Variants in CTDP1 observed in about 807,000 individuals in gnomAD.
CTDP1 encodes the protein RNA polymerase II subunit A C-terminal domain phosphatase.
A neutral mutation model predicts 91.8 loss-of-function variants in CTDP1; 47 were observed. That is an observed-to-expected ratio of 0.51 (90% CI 0.41 to 0.65). CTDP1 has a LOEUF of 0.65. CTDP1 is among the 30% of genes least tolerant of loss of function. CTDP1 has a pLI of 0.00. For missense variants in CTDP1, 1,272 were observed against 1,373.7 expected, an observed-to-expected ratio of 0.93 and a Z score of 1.17; for synonymous variants, 656 against 598.5, an observed-to-expected ratio of 1.10 and a Z score of -1.40.
chr18:79,691,549 G>A (rs1407011430), intron 1 of CTDP1, among the ~76,000 whole-genome samples: 25 of 65,374 alleles, frequency 3.8e-4, no homozygotes, highest in South Asian at 7.7e-4. Flanking sequence ...GGGTGGGGGA[G>A]GAGTGGACGG....
intron 11 of CTDP1, chr18:79,736,108 G>A (rs774176573): frequency 3.4e-6 from 2 of 581,104 alleles, no homozygotes; most frequent in Admixed American, 3.0e-5. Flanking sequence ...GGGACAGAAG[G>A]AATTTAAACC....
chr18:79,697,790 G>C, intron 3 of CTDP1, 70 bp from the exon 4 acceptor site: 1 of 1,601,566 alleles, frequency 6.2e-7, no homozygotes, highest in Non-Finnish European at 8.5e-7. Context: ...TGTGTTTCTC[G>C]ATGAAATGGA....
chr18:79,683,918 C>T lies in CTDP1; in HGVS notation c.314+3657C>T, dbSNP rs908098079. On this transcript the variant is annotated intron_variant, in intron 1 of 12. Transcript: ENST00000613122. The stretch of plus-strand genomic sequence containing the variant: ...TTCTGGCCCAGGACGGTTTTGGGAC[C>T]GGGGGGTGCCTACCCACTGTTGTTC... Among the ~76,000 whole-genome samples, 10 of 152,192 alleles carry T rather than the reference C, an allele frequency of 6.6e-5. No individual in the cohort carries two copies. The East Asian group carries it at 1.3e-3, about 20-fold the overall frequency.
chr18:79,730,757 GCCCCGGCGCCAAGGA>G (rs2086549737), intron 11 of CTDP1, among the ~76,000 whole-genome samples: 1 of 152,214 alleles, frequency 6.6e-6, no homozygotes, highest in Non-Finnish European at 1.5e-5. Flanking sequence ...GGTCAGAGGA[GCCCCGGCGCCAAGGA>G]CCCGAGGCCT....
At chr18:79,721,685 C>G (rs2086347922) in intron 10 of CTDP1, among the ~76,000 whole-genome samples, 1 of 152,088 alleles carries the variant, frequency 6.6e-6, no homozygotes, top group Admixed American at 6.5e-5. Flanking sequence ...CTCAGGAGTT[C>G]AAGGCTGCAG....
chr18:79,687,669 C>A (rs1286457499), intron 1 of CTDP1, among the ~76,000 whole-genome samples: 3 of 151,838 alleles, frequency 2.0e-5, no homozygotes, highest in Non-Finnish European at 2.9e-5. Context: ...CACTGGTGGG[C>A]CTGCACCGCA....
intron 11 of CTDP1, among the ~76,000 whole-genome samples, chr18:79,732,454 A>T (rs1342987048): frequency 2.2e-5 from 2 of 89,472 alleles, no homozygotes; most frequent in African/African-American, 7.8e-5. Flanking sequence ...AACTCACATC[A>T]GGAGTGCTCC....
rs755749987 is a variant in CTDP1 at position 79,679,922 on chromosome 18, G to A, written c.-26G>A. On this transcript the variant is annotated 5_prime_UTR_variant, in exon 1 of 13. Transcript: ENST00000613122. ...CTGAGCGCAGCGCAGGCCCCGTACC[G>A]ACCGCCCGCCCGCCCTCTGTCCGCG... is the stretch of plus-strand genomic sequence containing the variant. 11 of 1,379,106 alleles carry A rather than the reference G, an allele frequency of 8.0e-6. No homozygotes were observed. The South Asian group carries it at 1.0e-4, about 13-fold the overall frequency. 85.4% of individuals were successfully genotyped at this position (1,379,106 alleles called of 1,614,324 possible).
chr18:79,690,390 C>T (rs1310799031), intron 1 of CTDP1, among the ~76,000 whole-genome samples: 2 of 152,184 alleles, frequency 1.3e-5, no homozygotes, highest in African/African-American at 2.4e-5. Context: ...TTCTTTAGGA[C>T]AAACCAGAAA....
intron 6 of CTDP1, among the ~76,000 whole-genome samples, 199 bp from the exon 7 acceptor site, chr18:79,712,773 C>T (rs1022447680): frequency 2.0e-5 from 3 of 152,144 alleles, no homozygotes; most frequent in African/African-American, 7.2e-5. Flanking sequence ...GAAGGAGAAT[C>T]GGAAACAGCA....
chr18:79,748,435 G>T (rs752309444), intron 12 of CTDP1, among the ~76,000 whole-genome samples: 8 of 152,320 alleles, frequency 5.3e-5, no homozygotes, highest in Admixed American at 3.3e-4. Context: ...GACCCCTCAG[G>T]GTGGAAGCCG....
At chr18:79,718,115 G>T in intron 10 of CTDP1, 99 bp downstream of exon 10, 1 of 1,388,464 alleles carries the variant, frequency 7.2e-7, no homozygotes. Flanking sequence ...CGAAGTGAGG[G>T]CGGGTGGAGG....
intron 10 of CTDP1, among the ~76,000 whole-genome samples, chr18:79,719,714 C>CGT (rs1252413911): frequency 7.1e-6 from 1 of 140,948 alleles, no homozygotes; most frequent in African/African-American, 2.7e-5. Flanking sequence ...ATTAGGAAGG[C>CGT]GTCCTGGTGA....
At chr18:79,745,325 C>CTCCCGTGCGCGTTCTGTCCCTGCGTCCT (rs2086862607) in intron 12 of CTDP1, among the ~76,000 whole-genome samples, 1 of 108,942 alleles carries the variant, frequency 9.2e-6, no homozygotes, top group Non-Finnish European at 1.8e-5. Context: ...CCCTGCGTCC[C>CTCCCGTGCGCGTTCTGTCCCTGCGTCCT]TCCCGTGCGC....
At chr18:79,688,328 A>C (rs2085549826) in intron 1 of CTDP1, among the ~76,000 whole-genome samples, 1 of 152,226 alleles carries the variant, frequency 6.6e-6, no homozygotes, top group African/African-American at 2.4e-5. Context: ...GCAGCGGTGC[A>C]ATCTCAGTTC....
intron 11 of CTDP1, among the ~76,000 whole-genome samples, chr18:79,735,459 C>T (rs1468690832): frequency 1.3e-5 from 2 of 152,254 alleles, no homozygotes; most frequent in Non-Finnish European, 2.9e-5. Context: ...GAGCTGCCCG[C>T]CAACACCACT....
At chr18:79,696,838 C>T (rs1001699826) in intron 3 of CTDP1, among the ~76,000 whole-genome samples, 4 of 152,188 alleles carry the variant, frequency 2.6e-5, no homozygotes, top group Admixed American at 2.0e-4. Flanking sequence ...AGGCAGACAC[C>T]GTCTCCCCGA....
chr18:79,691,160 C>A (rs1192010865), intron 1 of CTDP1, among the ~76,000 whole-genome samples: 2 of 151,834 alleles, frequency 1.3e-5, no homozygotes, highest in Non-Finnish European at 2.9e-5. Context: ...AGTCATCTGC[C>A]GGTGGCACCT....
intron 1 of CTDP1, chr18:79,685,617 T>C (rs1200766750): frequency 6.6e-6 from 1 of 152,208 alleles, no homozygotes; most frequent in Admixed American, 6.5e-5. Flanking sequence ...GCTGTCTTTA[T>C]TGCTTTGTAG....
Sources: allele counts gnomAD v4.1 joint callset (sites outside exome capture counted in the v4.1 genomes callset), GRCh38; gene constraint gnomAD v4.1.1; transcripts MANE v1.5; gene names NCBI Gene and HGNC (gene_info 2026-07-23, HGNC 2026-07-21).